EYS: variants seen among roughly 807,000 people sequenced by gnomAD.
The protein encoded by EYS is protein eyes shut homolog.
EYS carries 250 observed loss-of-function variants against 282.1 expected under a neutral mutation model. That is an observed-to-expected ratio of 0.89 (90% CI 0.80 to 0.98). EYS has a LOEUF of 0.98. EYS is among the 50% of genes least tolerant of loss of function. EYS has a pLI of 0.00. For synonymous variants in EYS, 1,355 were observed against 1,282.9 expected (o/e 1.06, Z -1.20); for missense variants, 4,016 against 3,709.0 (o/e 1.08, Z -2.15).
intron 37 of EYS, among the ~76,000 whole-genome samples, chr6:63,793,095 T>A (rs1424015903): frequency 6.6e-6 from 1 of 152,192 alleles, no homozygotes; most frequent in Non-Finnish European, 1.5e-5. Context: ...GAGGCCATGC[T>A]CCATTTGGGC....
At chr6:64,166,450 T>G (rs1433349398) in intron 31 of EYS, among the ~76,000 whole-genome samples, 1 of 152,166 alleles carries the variant, frequency 6.6e-6, no homozygotes, top group Non-Finnish European at 1.5e-5. Context: ...ATAAATTACA[T>G]TTACAATCTT....
chr6:65,618,089 A>C (rs1203160845), intron 2 of EYS, among the ~76,000 whole-genome samples: 1 of 152,190 alleles, frequency 6.6e-6, no homozygotes, highest in East Asian at 1.9e-4. Flanking sequence ...GGCTGGGTCA[A>C]ATGGTATTTC....
chr6:64,182,659 G>A (rs1225624950), intron 31 of EYS, among the ~76,000 whole-genome samples: 1 of 152,114 alleles, frequency 6.6e-6, no homozygotes, highest in African/African-American at 2.4e-5. Context: ...TGCATCACGA[G>A]CTTCCTCTTA....
intron 11 of EYS, among the ~76,000 whole-genome samples, chr6:65,319,204 CAAAA>C (rs55687610): frequency 1.1e-4 from 5 of 44,394 alleles, no homozygotes; most frequent in African/African-American, 3.5e-4. Flanking sequence ...ACTAAAAATG[CAAAA>C]AAAAAAAAAA....
intron 31 of EYS, among the ~76,000 whole-genome samples, chr6:64,143,499 C>A (rs903659025): frequency 3.3e-5 from 5 of 151,732 alleles, no homozygotes; most frequent in Non-Finnish European, 7.4e-5. Context: ...CCTAAAAGTG[C>A]AATTAAAAAT....
At chr6:63,727,524 T>C (rs1002896973) in intron 41 of EYS, among the ~76,000 whole-genome samples, 1 of 150,018 alleles carries the variant, frequency 6.7e-6, no homozygotes, top group African/African-American at 2.5e-5. Context: ...CCTGATCGTG[T>C]TGCCAAGAAT....
intron 28 of EYS, among the ~76,000 whole-genome samples, chr6:64,433,309 C>G (rs911847767): frequency 4.0e-5 from 6 of 151,894 alleles, no homozygotes; most frequent in African/African-American, 1.4e-4. Context: ...TGTGTGCACA[C>G]CATTTACTTT....
At chr6:65,659,795 C>G (rs899531955) in intron 1 of EYS, among the ~76,000 whole-genome samples, 1 of 151,588 alleles carries the variant, frequency 6.6e-6, no homozygotes, top group Non-Finnish European at 1.5e-5. Flanking sequence ...ATTCTATGTA[C>G]AGTATTCCAT....
In EYS at chr6:64,888,051, C is replaced by T. The variant is rs1239656455; in HGVS notation, c.2847-1209G>A. On this transcript the variant is annotated intron_variant, in intron 18 of 42. Coordinates refer to ENST00000503581, the MANE Select transcript of EYS (RefSeq NM_001142800.2). The stretch of plus-strand genomic sequence containing the variant: ...CAAATAACAGGACTTCATTCTTTTT[C>T]ATGGCTGAAGAGTATTTCATTGTTT... 9.2e-5 allele frequency among the ~76,000 whole-genome samples: 14 copies of T among 152,100 alleles called. No homozygotes were observed. In the South Asian group the frequency reaches 1.7e-3, roughly 18 times the overall value.
chr6:65,055,089 C>T (rs1773375243), intron 13 of EYS, among the ~76,000 whole-genome samples: 1 of 151,986 alleles, frequency 6.6e-6, no homozygotes, highest in Admixed American at 6.6e-5. Context: ...TCAACCAATC[C>T]TCCTGCTTCA....
rs549822648 is a variant in EYS, at chr6:64,544,379, C to G, written c.5644+45844G>C. Among the ~76,000 whole-genome samples the G allele has an allele frequency of 7.9e-5, 12 of 152,164 alleles. No homozygotes were observed. In the South Asian group the frequency reaches 2.3e-3, roughly 29 times the overall value. On this transcript the variant is annotated intron_variant, in intron 26 of 42. Transcript: ENST00000503581. ...TTTGGTTAAGATGGTAAAGAAGGAG[C>G]TGAGGACCAGTCAGAACACAGTAAA...
chr6:64,938,337 T>TGAGA (rs375999442), intron 15 of EYS, among the ~76,000 whole-genome samples: 4,442 of 148,394 alleles, frequency 0.03, 205 homozygotes, highest in African/African-American at 0.1. Context: ...TAAGATATTT[T>TGAGA]GAGAGAGAGA....
At chr6:64,713,676 T>C (rs974786097) in intron 22 of EYS, among the ~76,000 whole-genome samples, 2 of 152,134 alleles carry the variant, frequency 1.3e-5, no homozygotes, top group Non-Finnish European at 2.9e-5. Context: ...TTGTTCTTGG[T>C]TTCAGGTAAG....
intron 12 of EYS, among the ~76,000 whole-genome samples, chr6:65,157,140 A>T (rs770768756): frequency 3.7e-4 from 56 of 150,980 alleles, no homozygotes; most frequent in Non-Finnish European, 3.4e-4. Flanking sequence ...TTTTTCTTTA[A>T]TAGCACCTAT....
chr6:65,571,026 T>C (rs923593126), intron 2 of EYS, among the ~76,000 whole-genome samples: 4 of 152,234 alleles, frequency 2.6e-5, no homozygotes, highest in South Asian at 4.1e-4. Context: ...CCATAAATAC[T>C]GAATAATTGC....
At chr6:65,533,895 T>C (rs1582424579) in intron 2 of EYS, among the ~76,000 whole-genome samples, 1 of 152,158 alleles carries the variant, frequency 6.6e-6, no homozygotes, top group African/African-American at 2.4e-5. Context: ...ATTGATGATA[T>C]TGCCTTTGTC....
At chr6:65,135,238 C>CT (rs1450958535) in intron 12 of EYS, among the ~76,000 whole-genome samples, 1 of 151,840 alleles carries the variant, frequency 6.6e-6, no homozygotes, top group Non-Finnish European at 1.5e-5. Flanking sequence ...ATCACATCAC[C>CT]TTTTTAATTC....
chr6:65,017,884 A>G (rs551184825), intron 13 of EYS, among the ~76,000 whole-genome samples: 1 of 152,278 alleles, frequency 6.6e-6, no homozygotes, highest in Admixed American at 6.5e-5. Flanking sequence ...AGTAGAGGCC[A>G]AACTTCCTGG....
intron 1 of EYS, among the ~76,000 whole-genome samples, chr6:65,649,920 A>G (rs548652410): frequency 3.3e-5 from 5 of 152,212 alleles, no homozygotes; most frequent in Middle Eastern, 3.4e-3. Context: ...ATTCATGAAT[A>G]AAATTTCATT....
Sources: allele counts gnomAD v4.1 joint callset (sites outside exome capture counted in the v4.1 genomes callset), GRCh38; gene constraint gnomAD v4.1.1; transcripts MANE v1.5; gene names NCBI Gene and HGNC (gene_info 2026-07-23, HGNC 2026-07-21).